Variants in KSR2 observed in about 807,000 individuals in gnomAD.
The protein encoded by KSR2 is kinase suppressor of ras 2.
KSR2 carries 25 observed loss-of-function variants against 107.8 expected under a neutral mutation model. That is an observed-to-expected ratio of 0.23 (90% CI 0.17 to 0.32). KSR2 has a LOEUF of 0.32. Among genes scored for constraint, KSR2 ranks in the 10% least tolerant of loss-of-function variants. KSR2 has a pLI of 1.00. For missense variants in KSR2, 887 were observed against 1,268.9 expected (o/e 0.70, Z 4.57); for synonymous variants, 480 against 507.0 (o/e 0.95, Z 0.71).
At chr12:117,655,487 C>T (rs1245468928) in intron 5 of KSR2, among the ~76,000 whole-genome samples, 2 of 152,152 alleles carry the variant, frequency 1.3e-5, no homozygotes, top group Non-Finnish European at 2.9e-5. Context: ...GAATCGGCAT[C>T]CAATATATGG....
intron 3 of KSR2, among the ~76,000 whole-genome samples, chr12:117,764,025 A>G (rs1889139354): frequency 2.0e-5 from 3 of 152,222 alleles, no homozygotes; most frequent in Non-Finnish European, 4.4e-5. Context: ...GACTGTAACA[A>G]GAGCTAATTT....
chr12:117,634,721 C>A (rs888153258), intron 5 of KSR2, among the ~76,000 whole-genome samples: 1 of 152,186 alleles, frequency 6.6e-6, no homozygotes, highest in Non-Finnish European at 1.5e-5. Context: ...CCAGAGATGA[C>A]TGGCCTGTCC....
chr12:117,524,884 G>A lies in KSR2; in HGVS notation c.2187C>T (p.Cys729=), dbSNP rs1025430287. The A allele has an allele frequency of 6.2e-7, 1 of 1,612,912 alleles. No homozygotes were observed. The highest frequency in any genetic ancestry group is 1.1e-5 in the South Asian group (1 of 90,862). The change falls in exon 14 of 20, where the codon TGC becomes TGT. Residue 729 remains cysteine, a synonymous_variant. Coordinates refer to ENST00000339824, the MANE Select transcript of KSR2 (RefSeq NM_173598.6). The part of the protein sequence containing the change: ...HENVVLFMGA[C]MSPPHLAIIT... ...TGATGGCCAGGTGAGGCGGGCTCAT[G>A]CAGGCACCCATGAAAAGCACCACGT... is the stretch of plus-strand genomic sequence containing the variant.
At chr12:117,591,218 T>C (rs1880293902) in intron 5 of KSR2, among the ~76,000 whole-genome samples, 2 of 152,262 alleles carry the variant, frequency 1.3e-5, no homozygotes, top group South Asian at 2.1e-4. Flanking sequence ...GAAATCTGGG[T>C]CAACTCATGG....
At chr12:117,488,087 G>C (rs139940410) in intron 14 of KSR2, among the ~76,000 whole-genome samples, 1 of 152,196 alleles carries the variant, frequency 6.6e-6, no homozygotes, top group East Asian at 1.9e-4. Context: ...TTTATAAAGG[G>C]GAGTTCCCCT....
At chr12:117,722,194 ATAAT>A (rs1038515913) in intron 4 of KSR2, among the ~76,000 whole-genome samples, 14 of 152,136 alleles carry the variant, frequency 9.2e-5, no homozygotes, top group Non-Finnish European at 1.0e-4. Flanking sequence ...TTAAATTTAA[ATAAT>A]TAACACCTAT....
intron 4 of KSR2, among the ~76,000 whole-genome samples, chr12:117,726,296 C>T (rs1887423575): frequency 6.6e-6 from 1 of 151,574 alleles, no homozygotes. Flanking sequence ...CCAGTAAGTC[C>T]CAAAAAAAGA....
intron 1 of KSR2, among the ~76,000 whole-genome samples, chr12:117,923,866 TAATA>T (rs1895419183): frequency 6.6e-6 from 1 of 151,446 alleles, no homozygotes; most frequent in Non-Finnish European, 1.5e-5. Context: ...GAGTTGACAT[TAATA>T]TATATTTGCT....
At chr12:117,860,780 G>T (rs776951166) in intron 1 of KSR2, among the ~76,000 whole-genome samples, 1 of 152,248 alleles carries the variant, frequency 6.6e-6, no homozygotes, top group South Asian at 2.1e-4. Flanking sequence ...GTGCAATGGC[G>T]TGATCTCTGC....
Position 117,607,622 on chromosome 12 carries a change from C to G in KSR2, c.1172-25263G>C, listed in dbSNP as rs563583444. On this transcript the variant is annotated intron_variant, in intron 5 of 19. Transcript: ENST00000339824. ...CTGAGCTCATGCTCCACCACCCCGC[C>G]TGCATCCACAGACCTCCCGGAGAGG... 8.9e-5 allele frequency among the ~76,000 whole-genome samples: 12 copies of G among 134,982 alleles called. No homozygotes were observed. The East Asian group carries it at 2.0e-3, about 23-fold the overall frequency. The allele number at this position is 134,982 out of a possible 152,430, so 88.6% of individuals were successfully genotyped here.
intron 4 of KSR2, among the ~76,000 whole-genome samples, chr12:117,703,688 C>G (rs947667262): frequency 3.3e-5 from 5 of 152,194 alleles, no homozygotes; most frequent in African/African-American, 9.7e-5. Flanking sequence ...AGCTACCCAG[C>G]AATCCTCCCA....
At chr12:117,935,743 G>C (rs1030614986) in intron 1 of KSR2, among the ~76,000 whole-genome samples, 14 of 152,174 alleles carry the variant, frequency 9.2e-5, no homozygotes, top group Non-Finnish European at 1.8e-4. Flanking sequence ...CTGGGCAACA[G>C]TGTGAGACTC....
At chr12:117,883,883 A>AG (rs1894099258) in intron 1 of KSR2, among the ~76,000 whole-genome samples, 1 of 148,594 alleles carries the variant, frequency 6.7e-6, no homozygotes, top group Non-Finnish European at 1.5e-5. Flanking sequence ...CTCAAAAAAA[A>AG]AAAAAAAAAA....
chr12:117,487,985 G>C (rs1196075000), intron 14 of KSR2, among the ~76,000 whole-genome samples: 1 of 152,190 alleles, frequency 6.6e-6, no homozygotes, highest in East Asian at 1.9e-4. Flanking sequence ...CAAGTGTCAA[G>C]ATCAGGGCCA....
At chr12:117,899,310 T>C (rs1894610316) in intron 1 of KSR2, among the ~76,000 whole-genome samples, 1 of 151,868 alleles carries the variant, frequency 6.6e-6, no homozygotes, top group Admixed American at 6.6e-5. Context: ...CTGGGCAATA[T>C]AACAAGACCT....
intron 1 of KSR2, among the ~76,000 whole-genome samples, chr12:117,967,645 G>A (rs1443145302): frequency 6.6e-6 from 1 of 152,100 alleles, no homozygotes; most frequent in African/African-American, 2.4e-5. Flanking sequence ...TTGACCACCT[G>A]CAGAATGCGC....
At chr12:117,792,797 C>G (rs1041461736) in intron 3 of KSR2, among the ~76,000 whole-genome samples, 1 of 152,158 alleles carries the variant, frequency 6.6e-6, no homozygotes, top group African/African-American at 2.4e-5. Context: ...GGTGCGTCAT[C>G]CCTAAAAATA....
chr12:117,543,235 C>T (rs139944081), intron 9 of KSR2, among the ~76,000 whole-genome samples: 2 of 152,314 alleles, frequency 1.3e-5, no homozygotes, highest in African/African-American at 4.8e-5. Flanking sequence ...CCATTTTACA[C>T]CAGCAATGTA....
chr12:117,780,395 T>C (rs1200428817), intron 3 of KSR2, among the ~76,000 whole-genome samples: 2 of 152,190 alleles, frequency 1.3e-5, no homozygotes, highest in Non-Finnish European at 2.9e-5. Context: ...GTAAGGAAGT[T>C]CTGATACATG....
Sources: gnomAD v4.1 joint callset for allele counts (sites outside exome capture counted in the v4.1 genomes callset) on GRCh38, gnomAD v4.1.1 for gene constraint, MANE v1.5 for transcripts, NCBI Gene and HGNC (gene_info 2026-07-23, HGNC 2026-07-21) for gene names.